The following TCF7L1 variants were observed in gnomAD, a reference collection of about 807,000 sequenced individuals.
The protein encoded by TCF7L1 is transcription factor 7-like 1.
In TCF7L1, 18 loss-of-function variants were observed where a neutral mutation model predicts 63.7. The ratio of observed to expected loss-of-function variants is 0.28; its 90% CI spans 0.20 to 0.42. The LOEUF is 0.42. Ranked by LOEUF, TCF7L1 falls within the 10% of genes least tolerant of loss-of-function variation. The pLI is 1.00. For missense variants in TCF7L1, 654 were observed against 779.3 expected, an observed-to-expected ratio of 0.84 and a Z score of 1.91; for synonymous variants, 355 against 340.9, an observed-to-expected ratio of 1.04 and a Z score of -0.46.
In TCF7L1 at chr2:85,133,818, G is replaced by C; in HGVS notation, c.134G>C (p.Gly45Ala). 1 of 1,474,224 alleles carries C rather than the reference G, an allele frequency of 6.8e-7. No individual in the cohort carries two copies. The highest frequency in any genetic ancestry group is 9.0e-7 in the Non-Finnish European group (1 of 1,110,246). 91.3% of individuals were successfully genotyped at this position (1,474,224 alleles called of 1,614,324 possible). Reference protein sequence around the residue: ...NDELIPFQDEGGEEQEPSSDS... With the variant: ...NDELIPFQDEAGEEQEPSSDS... ...GAGCTGATCCCCTTCCAGGACGAGG[G>C]GGGCGAGGAGCAGGAGCCGAGCAGC... Residue 45 changes from glycine (G) to alanine (A), a missense_variant, in exon 1 of 12, where the codon GGG (glycine) becomes GCG (alanine). By Grantham distance (60) the Gly-to-Ala change is moderately conservative. This residue lies in a region of TCF7L1 where 404 missense variants were observed against 454.8 expected (regional missense o/e 0.89). Transcript: ENST00000282111. This position sits in a 1 kb window ranked among gnomAD's most constrained non-coding sequence, Gnocchi z 4.4.
intron 3 of TCF7L1, among the ~76,000 whole-genome samples, chr2:85,256,622 T>A (rs1680725985): frequency 6.6e-6 from 1 of 152,202 alleles, no homozygotes; most frequent in Admixed American, 6.5e-5. Context: ...GGAGAGTGTG[T>A]TCATGCATTG....
intron 3 of TCF7L1, among the ~76,000 whole-genome samples, chr2:85,242,953 G>T (rs369413687): frequency 2.6e-5 from 4 of 152,112 alleles, no homozygotes; most frequent in African/African-American, 9.7e-5. Context: ...ACCTCTGGCA[G>T]TGGGGCCTCC....
At chr2:85,165,274 G>T (rs1574086389) in intron 3 of TCF7L1, among the ~76,000 whole-genome samples, 2 of 152,350 alleles carry the variant, frequency 1.3e-5, no homozygotes, top group East Asian at 1.9e-4. Context: ...AGGCTGCCGT[G>T]TGTGTGCACA....
At chr2:85,223,533 A>T (rs1679894092) in intron 3 of TCF7L1, among the ~76,000 whole-genome samples, 1 of 152,046 alleles carries the variant, frequency 6.6e-6, no homozygotes, top group South Asian at 2.1e-4. Context: ...GAGCTGCTGG[A>T]GGTGGATGTA....
intron 3 of TCF7L1, among the ~76,000 whole-genome samples, chr2:85,216,137 G>A (rs186775700): frequency 7.2e-5 from 11 of 152,104 alleles, no homozygotes; most frequent in South Asian, 2.1e-4. Flanking sequence ...TGGGGAGCCC[G>A]GCTGCCCTTC....
intron 3 of TCF7L1, among the ~76,000 whole-genome samples, chr2:85,181,098 G>A (rs1419750378): frequency 6.6e-6 from 1 of 152,226 alleles, no homozygotes; most frequent in East Asian, 1.9e-4. Flanking sequence ...CAGCTGCCCT[G>A]TGACCCCTCC....
At position 85,261,312 on chromosome 2, in the gene TCF7L1, G is replaced by A. The variant is rs6706544; in HGVS notation, c.442-22183G>A. On this transcript the variant is annotated intron_variant, in intron 3 of 11. Coordinates refer to ENST00000282111, the MANE Select transcript of TCF7L1 (RefSeq NM_031283.3). ...ACAAGGGCATGGTTTCTATCGAAGT[G>A]TATTACACAGGCCAGACCTCTGGAT... Among the ~76,000 whole-genome samples the A allele has an allele frequency of 1.8e-3, 281 of 152,328 alleles. 1 individual carries two copies. The highest frequency in any genetic ancestry group is 6.3e-3 in the African/African-American group (262 of 41,572).
At chr2:85,197,954 G>T (rs1679194605) in intron 3 of TCF7L1, among the ~76,000 whole-genome samples, 1 of 152,200 alleles carries the variant, frequency 6.6e-6, no homozygotes, top group African/African-American at 2.4e-5. Context: ...AGTAGAGGTG[G>T]CAGAGGAGGG....
rs754755455 is a variant in TCF7L1 at position 85,306,282 on chromosome 2, T to C, written c.1066T>C (p.Tyr356His). 1 of 1,614,074 alleles carries C rather than the reference T, an allele frequency of 6.2e-7. No individual in the cohort carries two copies. The highest frequency in any genetic ancestry group is 1.1e-5 in the South Asian group (1 of 91,076). The change falls in exon 9 of 12, where the codon TAT becomes CAT. Residue 356 changes from tyrosine to histidine, a missense_variant. By Grantham distance (83) the Tyr-to-His change is moderately conservative. Around this residue, in one of 3 missense-constraint regions of TCF7L1, gnomAD observed 66 missense variants for 120.5 expected, o/e 0.55. Coordinates refer to ENST00000282111, the MANE Select transcript of TCF7L1 (RefSeq NM_031283.3). The surrounding 1 kb of genome is among the most constrained non-coding windows in gnomAD (Gnocchi z 4.3). ...GAAGCCTCTGAATGCCTTCATGTTGTATATGAAGGAGATGAGGGCCAAGGT... is the reference window on the plus strand; with the variant it reads ...GAAGCCTCTGAATGCCTTCATGTTGCATATGAAGGAGATGAGGGCCAAGGT... ...VKKPLNAFML[Y>H]MKEMRAKVVA...
chr2:85,265,307 T>A (rs1204410680), intron 3 of TCF7L1, among the ~76,000 whole-genome samples: 2 of 143,810 alleles, frequency 1.4e-5, no homozygotes, highest in Non-Finnish European at 1.5e-5. Context: ...AAAAAAAAAG[T>A]AGATGCTTAA....
At chr2:85,157,493 G>A (rs1678176690) in intron 3 of TCF7L1, among the ~76,000 whole-genome samples, 1 of 152,192 alleles carries the variant, frequency 6.6e-6, no homozygotes, top group East Asian at 1.9e-4. Flanking sequence ...CTGGGGCAGG[G>A]ACTGGCTTGG....
At position 85,223,329 on chromosome 2, in the gene TCF7L1, G is replaced by A. The variant is rs184082721; in HGVS notation, c.442-60166G>A. 3.9e-5 allele frequency among the ~76,000 whole-genome samples: 6 copies of A among 152,222 alleles called. No homozygotes were observed. The East Asian group carries it at 5.8e-4, about 15-fold the overall frequency. ...TCTTGCCTTAGCCTCCCAAAGTGCC[G>A]GGATTACAGGCATGAGCCACCACAC... is the stretch of plus-strand genomic sequence containing the variant. On this transcript the variant is annotated intron_variant, in intron 3 of 11. Transcript: ENST00000282111.
chr2:85,250,079 G>C (rs1175688350), intron 3 of TCF7L1, among the ~76,000 whole-genome samples: 1 of 152,198 alleles, frequency 6.6e-6, no homozygotes, highest in Non-Finnish European at 1.5e-5. Flanking sequence ...GATAGAAAGA[G>C]AAGTGGGGAA....
At chr2:85,190,346 A>G (rs1477706353) in intron 3 of TCF7L1, among the ~76,000 whole-genome samples, 1 of 152,178 alleles carries the variant, frequency 6.6e-6, no homozygotes, top group Non-Finnish European at 1.5e-5. Context: ...CAAGGTGGGA[A>G]GTTGCCGTAG....
At chr2:85,212,700 T>C (rs902815193) in intron 3 of TCF7L1, among the ~76,000 whole-genome samples, 4 of 152,152 alleles carry the variant, frequency 2.6e-5, no homozygotes, top group African/African-American at 9.7e-5. Context: ...AGTTTTCTTT[T>C]GTTTCTGTGT....
At chr2:85,295,817 G>T (rs1369126244) in intron 4 of TCF7L1, among the ~76,000 whole-genome samples, 1 of 111,450 alleles carries the variant, frequency 9.0e-6, no homozygotes, top group South Asian at 2.9e-4. Context: ...TCGTTCTGTC[G>T]CCCAGGCTGG....
At chr2:85,239,456 G>A (rs1399049790) in intron 3 of TCF7L1, among the ~76,000 whole-genome samples, 2 of 152,066 alleles carry the variant, frequency 1.3e-5, no homozygotes, top group African/African-American at 2.4e-5. Flanking sequence ...TCTCCTCTAT[G>A]TGCAAACTCT....
intron 3 of TCF7L1, among the ~76,000 whole-genome samples, chr2:85,215,018 T>A (rs1679663143): frequency 6.6e-6 from 1 of 152,208 alleles, no homozygotes; most frequent in Non-Finnish European, 1.5e-5. Flanking sequence ...CTTCCTAGTT[T>A]GACCATCAAG....
At chr2:85,230,742 G>A (rs555020563) in intron 3 of TCF7L1, among the ~76,000 whole-genome samples, 1 of 152,264 alleles carries the variant, frequency 6.6e-6, no homozygotes, top group African/African-American at 2.4e-5. Flanking sequence ...GCATCCCTAC[G>A]TGACACTCTG....
Sources: allele counts gnomAD v4.1 joint callset (sites outside exome capture counted in the v4.1 genomes callset), GRCh38; gene constraint gnomAD v4.1.1; regional missense constraint gnomAD v4.1.1; non-coding constraint Gnocchi (gnomAD v3.1); transcripts MANE v1.5; gene names NCBI Gene and HGNC (gene_info 2026-07-23, HGNC 2026-07-21).